CDH13: variants seen among roughly 807,000 people sequenced by gnomAD.
CDH13 encodes the protein cadherin 13.
Under a neutral mutation model 63.8 loss-of-function variants are expected in CDH13, and 24 were observed. The observed-to-expected ratio is 0.38, with a 90% CI of 0.27 to 0.53. The LOEUF is 0.53. Among genes scored for constraint, CDH13 ranks in the 20% least tolerant of loss-of-function variants. The pLI is 0.85. For synonymous variants in CDH13, 503 were observed against 355.3 expected, an observed-to-expected ratio of 1.42 and a Z score of -4.67; for missense variants, 1,049 against 903.1, an observed-to-expected ratio of 1.16 and a Z score of -2.07.
chr16:83,282,672 T>C (rs1259225259), intron 5 of CDH13, among the ~76,000 whole-genome samples: 2 of 152,146 alleles, frequency 1.3e-5, no homozygotes, highest in African/African-American at 4.8e-5. Context: ...AAGAGACAAA[T>C]AGGAAATGGA....
intron 2 of CDH13, among the ~76,000 whole-genome samples, chr16:82,911,538 G>T (rs2041829535): frequency 6.6e-6 from 1 of 152,120 alleles, no homozygotes. Context: ...CTCTAACTCT[G>T]TGTCTCCATC....
At chr16:82,862,885 T>C (rs138515782) in intron 2 of CDH13, among the ~76,000 whole-genome samples, 1 of 152,350 alleles carries the variant, frequency 6.6e-6, no homozygotes, top group East Asian at 1.9e-4. Flanking sequence ...ACTTCCAACT[T>C]GGTCCTACCA....
chr16:83,548,843 A>T (rs1340243430), intron 7 of CDH13, among the ~76,000 whole-genome samples: 1 of 152,088 alleles, frequency 6.6e-6, no homozygotes, highest in Non-Finnish European at 1.5e-5. Flanking sequence ...GAAACCTATG[A>T]TCCTTGCATT....
intron 2 of CDH13, among the ~76,000 whole-genome samples, chr16:82,873,492 G>T (rs2040409626): frequency 1.3e-5 from 2 of 152,122 alleles, no homozygotes; most frequent in African/African-American, 2.4e-5. Flanking sequence ...GGGTGTCCTT[G>T]ATAGTTTCAC....
At chr16:83,206,598 A>C (rs2039189100) in intron 4 of CDH13, among the ~76,000 whole-genome samples, 1 of 152,274 alleles carries the variant, frequency 6.6e-6, no homozygotes, top group African/African-American at 2.4e-5. Flanking sequence ...ACTGTGTGCC[A>C]GAAACTGGGT....
intron 3 of CDH13, among the ~76,000 whole-genome samples, chr16:83,104,342 T>C (rs1026461188): frequency 1.3e-5 from 2 of 152,134 alleles, no homozygotes; most frequent in South Asian, 2.1e-4. Flanking sequence ...AATTTATTAA[T>C]GTAAACTGCA....
chr16:83,149,374 T>A (rs373204145), intron 4 of CDH13, among the ~76,000 whole-genome samples: 3 of 152,230 alleles, frequency 2.0e-5, no homozygotes, highest in Non-Finnish European at 4.4e-5. Context: ...CATGAGGCGA[T>A]GTTAACTTTA....
At chr16:82,906,314 T>C (rs907335402) in intron 2 of CDH13, among the ~76,000 whole-genome samples, 1 of 152,158 alleles carries the variant, frequency 6.6e-6, no homozygotes, top group Non-Finnish European at 1.5e-5. Flanking sequence ...TGATGAGGAT[T>C]CCTTTAACAC....
chr16:83,444,884 G>T (rs1567677140), intron 6 of CDH13, among the ~76,000 whole-genome samples: 1 of 152,290 alleles, frequency 6.6e-6, no homozygotes, highest in Non-Finnish European at 1.5e-5. Flanking sequence ...CTCTGATGAA[G>T]GGGGAGTTCA....
intron 2 of CDH13, among the ~76,000 whole-genome samples, chr16:83,017,808 G>A (rs1914951415): frequency 6.6e-6 from 1 of 152,136 alleles, no homozygotes; most frequent in Non-Finnish European, 1.5e-5. Context: ...TGATGCCACA[G>A]CCATTTATAC....
intron 7 of CDH13, among the ~76,000 whole-genome samples, chr16:83,516,789 A>G (rs1377962742): frequency 6.6e-6 from 1 of 152,226 alleles, no homozygotes; most frequent in African/African-American, 2.4e-5. Context: ...TCAAAAAGAT[A>G]TTGCAAATGA....
At position 83,580,903 on chromosome 16, in the gene CDH13, T is replaced by G. The variant is rs1486768142; in HGVS notation, c.961-21551T>G. On this transcript the variant is annotated intron_variant, in intron 7 of 13. Transcript: ENST00000567109. ...AAGTTGAGAACGGCCAAATGTTTGG[T>G]TGGTTGCTGAGCAGAAGAGCAATAC... Among the ~76,000 whole-genome samples the G allele has an allele frequency of 3.9e-5, 6 of 152,166 alleles. No individual in the cohort carries two copies. In the East Asian group the frequency reaches 1.2e-3, roughly 29 times the overall value.
intron 2 of CDH13, among the ~76,000 whole-genome samples, chr16:82,974,887 C>T (rs748036047): frequency 6.6e-6 from 1 of 152,178 alleles, no homozygotes; most frequent in Admixed American, 6.5e-5. Context: ...TTGCTTTAAG[C>T]CATTAAGTTC....
chr16:83,256,631 G>A (rs553925213), intron 5 of CDH13, among the ~76,000 whole-genome samples: 2,571 of 144,334 alleles, frequency 0.018, 34 homozygotes, highest in Non-Finnish European at 0.027. Context: ...GGAGATGGAG[G>A]CCATCCTGGC....
intron 8 of CDH13, among the ~76,000 whole-genome samples, chr16:83,610,330 T>C (rs2060324546): frequency 6.6e-6 from 1 of 152,236 alleles, no homozygotes; most frequent in African/African-American, 2.4e-5. Context: ...GTTTCTAAAT[T>C]GCAGTTAATA....
In CDH13 at chr16:82,874,476, C is replaced by T. The variant is rs560709608; in HGVS notation, c.157+16003C>T. Among the ~76,000 whole-genome samples the T allele has an allele frequency of 9.9e-5, 15 of 151,910 alleles. No homozygotes were observed. In the East Asian group the frequency reaches 2.9e-3, roughly 30 times the overall value. On this transcript the variant is annotated intron_variant, in intron 2 of 13. Transcript: ENST00000567109. ...CCCGAGAAGTGGCCAAGTGCTGCAC[C>T]AGCTTTTTTCTTTTCCATTTGAAGC... is the stretch of plus-strand genomic sequence containing the variant.
Position 83,486,528 on chromosome 16 carries a change from A to G in CDH13, c.833A>G (p.Asp278Gly). 1 of 1,613,888 alleles carries G rather than the reference A, an allele frequency of 6.2e-7. No individual in the cohort carries two copies. The highest frequency in any genetic ancestry group is 8.5e-7 in the Non-Finnish European group (1 of 1,179,844). The change falls in exon 7 of 14, where the codon GAT (aspartate) becomes GGT (glycine). Residue 278 changes from aspartate to glycine, a missense_variant. By Grantham distance (94) the Asp-to-Gly change is moderately conservative (BLOSUM62 -1). Transcript: ENST00000567109. ...TTTGATGCAGATGACCCAGCCACCG[A>G]TAATGCCCTCCTGCGGTATAATATC... ...TAFDADDPATDNALLRYNIRQ... is the reference protein window; with the variant it reads ...TAFDADDPATGNALLRYNIRQ...
chr16:83,358,848 TA>T (rs892157023), intron 6 of CDH13, among the ~76,000 whole-genome samples: 16 of 151,996 alleles, frequency 1.1e-4, no homozygotes, highest in Non-Finnish European at 5.9e-5. Context: ...TTTATTAGGT[TA>T]AAAAAAACCC....
At chr16:82,975,075 T>G (rs563835088) in intron 2 of CDH13, among the ~76,000 whole-genome samples, 3 of 152,326 alleles carry the variant, frequency 2.0e-5, no homozygotes, top group Non-Finnish European at 4.4e-5. Context: ...AACTCGTCTT[T>G]CTGATTTCTT....
Sources: allele counts gnomAD v4.1 joint callset (sites outside exome capture counted in the v4.1 genomes callset), GRCh38; gene constraint gnomAD v4.1.1; transcripts MANE v1.5; gene names NCBI Gene and HGNC (gene_info 2026-07-23, HGNC 2026-07-21).